Variants in MDGA2 observed in about 807,000 individuals in gnomAD.
MDGA2 encodes the protein MAM domain-containing glycosylphosphatidylinositol anchor protein 2.
In MDGA2, 40 loss-of-function variants were observed where a neutral mutation model predicts 117.8. The ratio of observed to expected loss-of-function variants is 0.34; its 90% CI spans 0.26 to 0.44. The LOEUF is 0.44. Among genes scored for constraint, MDGA2 ranks in the 20% least tolerant of loss-of-function variants. The pLI, the probability that MDGA2 is intolerant of heterozygous loss-of-function variation, is 1.00. For missense variants in MDGA2, 1,123 were observed against 1,250.6 expected (o/e 0.90, Z 1.54); for synonymous variants, 452 against 439.0 (o/e 1.03, Z -0.37).
chr14:46,900,981 C>G (rs1462274502), intron 10 of MDGA2, among the ~76,000 whole-genome samples: 1 of 151,758 alleles, frequency 6.6e-6, no homozygotes, highest in South Asian at 2.1e-4. Context: ...TATGTAACTT[C>G]CTGTGAATCT....
At chr14:46,934,009 GT>G (rs1271846251) in intron 9 of MDGA2, among the ~76,000 whole-genome samples, 1 of 151,078 alleles carries the variant, frequency 6.6e-6, no homozygotes, top group African/African-American at 2.4e-5. Context: ...CTCAAAATAA[GT>G]TTAGTTAAGA....
At chr14:47,505,862 A>G (rs536678862) in intron 1 of MDGA2, among the ~76,000 whole-genome samples, 1 of 152,324 alleles carries the variant, frequency 6.6e-6, no homozygotes, top group African/African-American at 2.4e-5. Flanking sequence ...TTGGACCTAA[A>G]TTTAGAAAAA....
chr14:47,246,184 T>C (rs1412415798), intron 2 of MDGA2, among the ~76,000 whole-genome samples: 1 of 151,886 alleles, frequency 6.6e-6, no homozygotes, highest in Non-Finnish European at 1.5e-5. Context: ...TATCCATGTA[T>C]TTTACAAATA....
chr14:47,173,001 T>C (rs1224769771), intron 3 of MDGA2, among the ~76,000 whole-genome samples: 1 of 152,070 alleles, frequency 6.6e-6, no homozygotes. Context: ...ATGTGAAGAA[T>C]GCAGAAGCCC....
intron 1 of MDGA2, among the ~76,000 whole-genome samples, chr14:47,646,178 T>C (rs1010577422): frequency 6.6e-6 from 1 of 151,538 alleles, no homozygotes; most frequent in Admixed American, 6.6e-5. Context: ...TACAAAGATA[T>C]AAATATATAC....
At chr14:47,481,211 G>A (rs1333343660) in intron 1 of MDGA2, among the ~76,000 whole-genome samples, 1 of 151,924 alleles carries the variant, frequency 6.6e-6, no homozygotes, top group Non-Finnish European at 1.5e-5. Flanking sequence ...GATAAGCGTA[G>A]GAGGAAATCT....
intron 1 of MDGA2, among the ~76,000 whole-genome samples, chr14:47,588,054 G>T (rs1896359039): frequency 6.6e-6 from 1 of 151,354 alleles, no homozygotes; most frequent in African/African-American, 2.4e-5. Context: ...TATTATTACT[G>T]CATTTCTTTC....
At chr14:47,560,453 A>G (rs1895777893) in intron 1 of MDGA2, among the ~76,000 whole-genome samples, 1 of 151,954 alleles carries the variant, frequency 6.6e-6, no homozygotes, top group South Asian at 2.1e-4. Context: ...TTTCTCTTAT[A>G]ATTAGTGATA....
In MDGA2 at chr14:47,047,968, C is replaced by T. The variant is rs149690215; in HGVS notation, c.1526-12664G>A. 4.2e-3 allele frequency among the ~76,000 whole-genome samples: 633 copies of T among 152,166 alleles called. 5 individuals carry two copies. Among genetic ancestry groups the T allele is most frequent in the African/African-American group, 0.014 (592 of 41,558 alleles). On this transcript the variant is annotated intron_variant, in intron 7 of 16. Transcript: ENST00000399232. ...CTTTTCTAATCTGAATAGTCAGAGG[C>T]ATTCCCCCAAAGCCATCCAAGGAAA...
intron 8 of MDGA2, among the ~76,000 whole-genome samples, chr14:46,980,204 GA>G (rs903646067): frequency 2.0e-5 from 3 of 152,154 alleles, no homozygotes; most frequent in African/African-American, 7.2e-5. Flanking sequence ...CAGGAGTTTG[GA>G]AAAAGTTGAT....
At chr14:47,560,475 T>G (rs558179618) in intron 1 of MDGA2, among the ~76,000 whole-genome samples, 1 of 152,332 alleles carries the variant, frequency 6.6e-6, no homozygotes, top group Admixed American at 6.5e-5. Flanking sequence ...TGAGCATTTT[T>G]CATGTTTCTT....
intron 11 of MDGA2, among the ~76,000 whole-genome samples, chr14:46,881,609 A>G (rs911438488): frequency 6.6e-6 from 1 of 152,142 alleles, no homozygotes; most frequent in Non-Finnish European, 1.5e-5. Flanking sequence ...GGCTCTGTAT[A>G]CTTCCTGCCA....
intron 14 of MDGA2, among the ~76,000 whole-genome samples, chr14:46,873,093 A>T (rs1307040110): frequency 1.3e-5 from 2 of 152,010 alleles, no homozygotes; most frequent in Admixed American, 6.6e-5. Flanking sequence ...ATTAATATGC[A>T]TTCAGTCACT....
intron 4 of MDGA2, among the ~76,000 whole-genome samples, chr14:47,132,517 A>ACT (rs1195675154): frequency 6.6e-6 from 1 of 151,882 alleles, no homozygotes; most frequent in African/African-American, 2.4e-5. Flanking sequence ...ATAGATGCAA[A>ACT]TCAAGCAAGT....
At chr14:47,321,782 T>C (rs1476126781) in intron 1 of MDGA2, among the ~76,000 whole-genome samples, 1 of 152,218 alleles carries the variant, frequency 6.6e-6, no homozygotes, top group Non-Finnish European at 1.5e-5. Flanking sequence ...CATTACTAAA[T>C]TTCCATAAAC....
chr14:47,202,062 C>A (rs922381776), intron 3 of MDGA2, among the ~76,000 whole-genome samples: 4 of 152,004 alleles, frequency 2.6e-5, no homozygotes, highest in Non-Finnish European at 5.9e-5. Context: ...ATGACATATC[C>A]CACTGCCTCT....
At chr14:47,633,465 A>G (rs1321194550) in intron 1 of MDGA2, among the ~76,000 whole-genome samples, 2 of 152,238 alleles carry the variant, frequency 1.3e-5, no homozygotes, top group Non-Finnish European at 2.9e-5. Context: ...ATTCAGGGAT[A>G]ATCTCTAACA....
At chr14:46,892,188 G>A (rs1314441228) in intron 10 of MDGA2, among the ~76,000 whole-genome samples, 4 of 151,814 alleles carry the variant, frequency 2.6e-5, no homozygotes, top group African/African-American at 9.7e-5. Flanking sequence ...AAATGGAACA[G>A]AGAGCCTAGA....
At chr14:47,617,792 G>A (rs765207256) in intron 1 of MDGA2, among the ~76,000 whole-genome samples, 1 of 152,008 alleles carries the variant, frequency 6.6e-6, no homozygotes, top group African/African-American at 2.4e-5. Context: ...AATAGTATAC[G>A]TAGACCAAGA....
Sources: gnomAD v4.1 joint callset for allele counts (sites outside exome capture counted in the v4.1 genomes callset) on GRCh38, gnomAD v4.1.1 for gene constraint, MANE v1.5 for transcripts, NCBI Gene and HGNC (gene_info 2026-07-23, HGNC 2026-07-21) for gene names.